Variants in VWA3B observed in about 807,000 individuals in gnomAD.
VWA3B encodes von Willebrand factor A domain containing 3B.
A neutral mutation model predicts 158.3 loss-of-function variants in VWA3B; 138 were observed. The observed-to-expected ratio is 0.87, with a 90% CI of 0.76 to 1.00. The LOEUF (loss-of-function observed/expected upper bound fraction) is 1.00. Among genes scored for constraint, VWA3B ranks in the 50% least tolerant of loss-of-function variants. The pLI is 0.00. For synonymous variants in VWA3B, 596 were observed against 587.3 expected (o/e 1.01, Z -0.21); for missense variants, 1,555 against 1,565.1 (o/e 0.99, Z 0.11).
chr2:98,258,600 A>T (rs1299426987), intron 21 of VWA3B, among the ~76,000 whole-genome samples: 2 of 151,740 alleles, frequency 1.3e-5, no homozygotes, highest in Admixed American at 6.6e-5. Context: ...GGGTGCTATT[A>T]TAAATGGGAT....
intron 5 of VWA3B, among the ~76,000 whole-genome samples, chr2:98,127,617 A>C (rs1403430245): frequency 1.7e-5 from 2 of 114,602 alleles, no homozygotes; most frequent in Admixed American, 1.0e-4. Flanking sequence ...GTGTGTCCTG[A>C]CACAGGGGTT....
Position 98,093,079 on chromosome 2 carries a change from A to T in VWA3B, c.-14A>T, listed in dbSNP as rs1052949447. 8.7e-6 allele frequency: 14 copies of T among 1,611,792 alleles called. No individual in the cohort carries two copies. Among genetic ancestry groups the T allele is most frequent in the Non-Finnish European group, 1.2e-5 (14 of 1,178,392 alleles). The stretch of plus-strand genomic sequence containing the variant: ...CTTACAGGAGTTTGCTGTGACTTAG[A>T]TCTTGATTCAGAGATGGAGAAATCA... On this transcript the variant is annotated 5_prime_UTR_variant, in exon 2 of 28. Coordinates refer to ENST00000477737, the MANE Select transcript of VWA3B (RefSeq NM_144992.5).
intron 12 of VWA3B, among the ~76,000 whole-genome samples, chr2:98,198,540 G>A (rs1293547769): frequency 3.3e-5 from 3 of 91,546 alleles, no homozygotes; most frequent in Non-Finnish European, 4.3e-5. Context: ...ATTTTAATTT[G>A]CATGCAGTAA....
chr2:98,173,092 T>A (rs1679727210), intron 8 of VWA3B, among the ~76,000 whole-genome samples: 1 of 152,190 alleles, frequency 6.6e-6, no homozygotes, highest in East Asian at 1.9e-4. Flanking sequence ...TGACTTGCAA[T>A]TTGAGAGCAG....
At chr2:98,169,841 G>T (rs2105288901) in intron 8 of VWA3B, among the ~76,000 whole-genome samples, 1 of 152,048 alleles carries the variant, frequency 6.6e-6, no homozygotes, top group South Asian at 2.1e-4. Context: ...TGTCCAGGCT[G>T]GGCATGGTGG....
At chr2:98,111,879 C>T (rs548836221) in intron 2 of VWA3B, among the ~76,000 whole-genome samples, 4 of 152,058 alleles carry the variant, frequency 2.6e-5, no homozygotes, top group Non-Finnish European at 5.9e-5. Flanking sequence ...TCTGCTTACT[C>T]TGTTGATAGT....
intron 25 of VWA3B, among the ~76,000 whole-genome samples, chr2:98,300,668 T>C (rs1690120980): frequency 6.6e-6 from 1 of 152,098 alleles, no homozygotes; most frequent in African/African-American, 2.4e-5. Context: ...TGTCTTTCGG[T>C]GTGAGCCTCC....
intron 15 of VWA3B, among the ~76,000 whole-genome samples, chr2:98,229,706 T>C (rs543081874): frequency 1.3e-5 from 2 of 152,286 alleles, no homozygotes; most frequent in East Asian, 3.9e-4. Context: ...ATCAGCCCCA[T>C]GTAGTCACTA....
In VWA3B at chr2:98,312,453, C is replaced by G; in HGVS notation, c.*104C>G. On this transcript the variant is annotated 3_prime_UTR_variant, in exon 28 of 28. Coordinates refer to ENST00000477737, the MANE Select transcript of VWA3B (RefSeq NM_144992.5). Reference sequence around the variant, plus strand: ...GCCCCTCCGCGGAGGTAAGGCCGCCCTCCGCGCCGCCTATGCCTGCCCTGT... The same window carrying G: ...GCCCCTCCGCGGAGGTAAGGCCGCCGTCCGCGCCGCCTATGCCTGCCCTGT... 1 of 1,410,168 alleles carries G rather than the reference C, an allele frequency of 7.1e-7. No homozygotes were observed. 87.4% of individuals were successfully genotyped at this position (1,410,168 alleles called of 1,614,324 possible). A position where few individuals can be genotyped will look rare whatever the true frequency, so the allele number is the denominator to read the frequency against.
the VWA3B span, among the ~76,000 whole-genome samples, chr2:98,321,091 A>C: frequency 6.6e-6 from 1 of 152,250 alleles, no homozygotes; most frequent in African/African-American, 2.4e-5. Flanking sequence ...TGTACAGCTC[A>C]GGCTGTTGCT....
intron 2 of VWA3B, among the ~76,000 whole-genome samples, chr2:98,107,889 A>G (rs1168932490): frequency 2.0e-5 from 3 of 149,602 alleles, no homozygotes; most frequent in Non-Finnish European, 4.5e-5. Context: ...TTTATTATTT[A>G]TTTCCTTCTG....
intron 7 of VWA3B, among the ~76,000 whole-genome samples, chr2:98,135,423 C>A (rs1676204332): frequency 6.9e-6 from 1 of 144,270 alleles, no homozygotes; most frequent in African/African-American, 2.6e-5. Flanking sequence ...GCAAGCTCCG[C>A]CTCCCGGGTT....
In VWA3B at chr2:98,235,495, G is replaced by A. The variant is rs150227075; in HGVS notation, c.2428+728G>A. Among the ~76,000 whole-genome samples, 706 of 151,166 alleles carry A rather than the reference G, an allele frequency of 4.7e-3. 5 individuals carry two copies. The highest frequency in any genetic ancestry group is 0.016 in the African/African-American group (670 of 41,074). ...GGCTGGAGTGCAGTGGCGTGATCTC[G>A]GCTCACTGCAACCTCTGCCTCCACG... On this transcript the variant is annotated intron_variant, in intron 17 of 27. Transcript: ENST00000477737.
At chr2:98,197,559 T>C (rs115752291) in intron 12 of VWA3B, among the ~76,000 whole-genome samples, 1,833 of 152,336 alleles carry the variant, frequency 0.012, 34 homozygotes, top group African/African-American at 0.041. Flanking sequence ...CATTTCTATA[T>C]TGGAATTATT....
intron 1 of VWA3B, among the ~76,000 whole-genome samples, chr2:98,087,783 A>C (rs1419552457): frequency 6.6e-6 from 1 of 152,230 alleles, no homozygotes; most frequent in Non-Finnish European, 1.5e-5. Flanking sequence ...TCTAAAAGCC[A>C]AAGCAACACT....
At chr2:98,269,947 A>G (rs191941479) in intron 21 of VWA3B, among the ~76,000 whole-genome samples, 1 of 152,162 alleles carries the variant, frequency 6.6e-6, no homozygotes, top group East Asian at 1.9e-4. Context: ...TAAATAAATA[A>G]GTGATGCTTT....
intron 12 of VWA3B, among the ~76,000 whole-genome samples, chr2:98,195,387 C>T (rs1681956586): frequency 6.6e-6 from 1 of 152,192 alleles, no homozygotes; most frequent in Admixed American, 6.5e-5. Flanking sequence ...ATTAGCAGAT[C>T]ATTGAGATGC....
At chr2:98,113,375 T>TGG (rs1674293520) in intron 2 of VWA3B, among the ~76,000 whole-genome samples, 1 of 152,096 alleles carries the variant, frequency 6.6e-6, no homozygotes, top group Admixed American at 6.6e-5. Context: ...TATGAAAAGT[T>TGG]GGCCCTCTGT....
At chr2:98,151,733 G>A (rs1677651521) in intron 7 of VWA3B, among the ~76,000 whole-genome samples, 1 of 152,192 alleles carries the variant, frequency 6.6e-6, no homozygotes, top group Admixed American at 6.5e-5. Flanking sequence ...ATCTTTCTGA[G>A]CTATGTTTCC....
Sources: gnomAD v4.1 joint callset for allele counts (sites outside exome capture counted in the v4.1 genomes callset) on GRCh38, gnomAD v4.1.1 for gene constraint, MANE v1.5 for transcripts, NCBI Gene and HGNC (gene_info 2026-07-23, HGNC 2026-07-21) for gene names.